The following MPRIP variants were observed in gnomAD, a reference collection of about 807,000 sequenced individuals.
The protein encoded by MPRIP is myosin phosphatase Rho interacting protein, also known as myosin phosphatase Rho-interacting protein.
Under a neutral mutation model 234.9 loss-of-function variants are expected in MPRIP, and 59 were observed. That is an observed-to-expected ratio of 0.25 (90% CI 0.20 to 0.31). The LOEUF (loss-of-function observed/expected upper bound fraction) is 0.31. Ranked by LOEUF, MPRIP falls within the 10% of genes least tolerant of loss-of-function variation. MPRIP has a pLI of 1.00. For synonymous variants in MPRIP, 1,144 were observed against 1,263.9 expected, an observed-to-expected ratio of 0.91 and a Z score of 2.01; for missense variants, 2,436 against 3,071.0, an observed-to-expected ratio of 0.79 and a Z score of 4.89.
chr17:17,167,450 G>T lies in MPRIP; in HGVS notation c.5859G>T (p.Arg1953=), dbSNP rs1431813012. The T allele has an allele frequency of 8.4e-6, 11 of 1,304,120 alleles. No homozygotes were observed. The highest frequency in any genetic ancestry group is 2.1e-4 in the Middle Eastern group (1 of 4,720). The allele number at this position is 1,304,120 out of a possible 1,614,324, so 80.8% of individuals were successfully genotyped here. A position where few individuals can be genotyped will look rare whatever the true frequency, so the allele number is the denominator to read the frequency against. ...GGGGCAGGTATGAGGAGGAGATTCGGTGTGTGGTGGAGCAGCTGACCAGGA... is the reference window on the plus strand; with the variant it reads ...GGGGCAGGTATGAGGAGGAGATTCGTTGTGTGGTGGAGCAGCTGACCAGGA... ...TLRGRYEEEI[R]CVVEQLTRTE... is the part of the protein sequence containing the mutation. The change falls in exon 16 of 24, where the codon CGG becomes CGT. Residue 1953 remains arginine (R), a synonymous_variant. Coordinates refer to ENST00000651222, the MANE Select transcript of MPRIP (RefSeq NM_001364716.4). The surrounding 1 kb of genome is among the most constrained non-coding windows in gnomAD (Gnocchi z 5.9).
At chr17:17,061,761 G>T (rs962692455) in intron 1 of MPRIP, among the ~76,000 whole-genome samples, 1 of 152,118 alleles carries the variant, frequency 6.6e-6, no homozygotes, top group African/African-American at 2.4e-5. Flanking sequence ...TAGGGTTTGG[G>T]TGCCTGCCCC....
At chr17:17,133,099 A>G (rs2090629265) in intron 5 of MPRIP, among the ~76,000 whole-genome samples, 1 of 152,096 alleles carries the variant, frequency 6.6e-6, no homozygotes, top group African/African-American at 2.4e-5. Flanking sequence ...CAGCTCCCCA[A>G]AACAGCTACC....
At chr17:17,144,031 C>T (rs1464515470) in intron 9 of MPRIP, among the ~76,000 whole-genome samples, 1 of 152,200 alleles carries the variant, frequency 6.6e-6, no homozygotes, top group Admixed American at 6.5e-5. Flanking sequence ...GCAGAGGCCA[C>T]GTCTTGCTGG....
intron 3 of MPRIP, among the ~76,000 whole-genome samples, chr17:17,114,367 C>G (rs1021429683): frequency 1.3e-5 from 2 of 152,040 alleles, no homozygotes; most frequent in Non-Finnish European, 2.9e-5. Context: ...CCTAGGTTGC[C>G]TTTTCGCTCT....
chr17:17,098,784 G>A (rs906158389), intron 3 of MPRIP, among the ~76,000 whole-genome samples: 2 of 152,130 alleles, frequency 1.3e-5, no homozygotes, highest in Admixed American at 1.3e-4. Flanking sequence ...CAACCTCCAG[G>A]CTGCCTGAGG....
rs757176139 is a variant in MPRIP at position 17,173,922 on chromosome 17, G to A, written c.6597G>A (p.Glu2199=). Residue 2199 remains glutamate, a synonymous_variant, in exon 19 of 24, where the codon GAG becomes GAA. Coordinates refer to ENST00000651222, the MANE Select transcript of MPRIP (RefSeq NM_001364716.4). ...AGTGCTGCCCTCTCCCCAGGGAGGAGCTGCAGTCGGTGCAGCGGGAACTGG... is the reference window on the plus strand; with the variant it reads ...AGTGCTGCCCTCTCCCCAGGGAGGAACTGCAGTCGGTGCAGCGGGAACTGG... ...VEALRRQYLE[E]LQSVQRELEV... 5.0e-6 allele frequency: 8 copies of A among 1,613,376 alleles called. No individual in the cohort carries two copies. The highest frequency in any genetic ancestry group is 6.8e-6 in the Non-Finnish European group (8 of 1,179,922).
chr17:17,110,438 A>G (rs945267066), intron 3 of MPRIP, among the ~76,000 whole-genome samples: 12 of 152,222 alleles, frequency 7.9e-5, no homozygotes, highest in African/African-American at 2.9e-4. Flanking sequence ...AAATAAATAA[A>G]TGGGAGAGAA....
At chr17:17,105,891 A>G (rs1313296553) in intron 3 of MPRIP, among the ~76,000 whole-genome samples, 1 of 152,100 alleles carries the variant, frequency 6.6e-6, no homozygotes, top group Non-Finnish European at 1.5e-5. Context: ...AGTTTTTCCT[A>G]CCCCATATAG....
chr17:17,094,571 C>T (rs1312543668), intron 3 of MPRIP, among the ~76,000 whole-genome samples: 1 of 149,872 alleles, frequency 6.7e-6, no homozygotes, highest in Admixed American at 6.7e-5. Flanking sequence ...TATTTTCTTC[C>T]TCTGGTAATT....
intron 3 of MPRIP, among the ~76,000 whole-genome samples, chr17:17,091,539 G>C (rs2089717861): frequency 6.6e-6 from 1 of 152,200 alleles, no homozygotes; most frequent in African/African-American, 2.4e-5. Flanking sequence ...TTAGGTGCTG[G>C]GTGACTGGGG....
intron 3 of MPRIP, among the ~76,000 whole-genome samples, chr17:17,100,123 G>T (rs1036084114): frequency 6.6e-6 from 1 of 152,170 alleles, no homozygotes. Context: ...CCTGGACGGC[G>T]GGTTGAATAG....
At chr17:17,057,479 C>T (rs919501893) in intron 1 of MPRIP, among the ~76,000 whole-genome samples, 7 of 152,300 alleles carry the variant, frequency 4.6e-5, no homozygotes, top group African/African-American at 7.2e-5. Context: ...CAGGGAGACG[C>T]GGTGCCTTCC....
chr17:17,076,539 C>G (rs1242536120), intron 2 of MPRIP: 1 of 152,218 alleles, frequency 6.6e-6, no homozygotes, highest in Non-Finnish European at 1.5e-5. Flanking sequence ...TGCATTGTGT[C>G]TCTGTTCTTT....
In MPRIP at chr17:17,185,740, T is replaced by TG; in HGVS notation, c.*851dup. ...GAATCATTCAAAATGGGGGAAGGTTTGGGGGTTTGGGTTTTTTTTTTACCT... is the reference window on the plus strand; with the variant it reads ...GAATCATTCAAAATGGGGGAAGGTTTGGGGGGTTTGGGTTTTTTTTTTACCT... On this transcript the variant is annotated 3_prime_UTR_variant, in exon 24 of 24. Coordinates refer to ENST00000651222, the MANE Select transcript of MPRIP (RefSeq NM_001364716.4). The TG allele has an allele frequency of 2.9e-6, 1 of 346,784 alleles. No homozygotes were observed. Among genetic ancestry groups the TG allele is most frequent in the East Asian group, 7.8e-5 (1 of 12,846 alleles). The allele number at this position is 346,784 out of a possible 1,614,324, so 21.5% of individuals were successfully genotyped here. A position where few individuals can be genotyped will look rare whatever the true frequency, so the allele number is the denominator to read the frequency against.
intron 6 of MPRIP, 110 bp downstream of exon 6, chr17:17,136,560 C>A: frequency 9.7e-7 from 1 of 1,033,072 alleles, no homozygotes. Flanking sequence ...AAGCCTGGAC[C>A]TCGATTCCCT....
rs775463826 is a variant in MPRIP at position 17,176,550 on chromosome 17, C to G, written c.6957+38C>G. 11 of 1,524,042 alleles carry G rather than the reference C, an allele frequency of 7.2e-6. No homozygotes were observed. In the South Asian group the frequency reaches 1.1e-4, roughly 16 times the overall value. The allele number at this position is 1,524,042 out of a possible 1,614,324, so 94.4% of individuals were successfully genotyped here. On this transcript the variant is annotated intron_variant, in intron 21 of 23. Coordinates refer to ENST00000651222, the MANE Select transcript of MPRIP (RefSeq NM_001364716.4). ...CACCACAGGAGGGCGGGTACGGGAA[C>G]AGGCTCTAGGTGACATGCGCCTCCT...
At chr17:17,180,310 G>C (rs760667270) in intron 23 of MPRIP, among the ~76,000 whole-genome samples, 8 of 152,254 alleles carry the variant, frequency 5.3e-5, no homozygotes, top group Non-Finnish European at 1.2e-4. Context: ...GGCCAGGGCT[G>C]TGAAGAGCAG....
chr17:17,110,857 C>T (rs1418988323), intron 3 of MPRIP, among the ~76,000 whole-genome samples: 1 of 152,118 alleles, frequency 6.6e-6, no homozygotes, highest in South Asian at 2.1e-4. Flanking sequence ...CAAAAGGAGC[C>T]TCAGGGGACA....
intron 2 of MPRIP, 127 bp downstream of exon 2, chr17:17,075,914 G>T: frequency 1.1e-6 from 1 of 875,798 alleles, no homozygotes; most frequent in Non-Finnish European, 1.8e-6. Context: ...GACCAGCAGG[G>T]CTCCCCCATT....
Sources: allele counts gnomAD v4.1 joint callset (sites outside exome capture counted in the v4.1 genomes callset), GRCh38; gene constraint gnomAD v4.1.1; non-coding constraint Gnocchi (gnomAD v3.1); transcripts MANE v1.5; gene names NCBI Gene and HGNC (gene_info 2026-07-23, HGNC 2026-07-21).